The following SRBD1 variants were observed in gnomAD, a reference collection of about 807,000 sequenced individuals.
The protein encoded by SRBD1 is S1 RNA-binding domain-containing protein 1.
SRBD1 carries 88 observed loss-of-function variants against 115.3 expected under a neutral mutation model. That is an observed-to-expected ratio of 0.76 (90% CI 0.64 to 0.91). The LOEUF (loss-of-function observed/expected upper bound fraction) is 0.91, where lower values mean the gene tolerates loss of function less well. Ranked by LOEUF, SRBD1 falls within the 40% of genes least tolerant of loss-of-function variation. The pLI, the probability that SRBD1 is intolerant of heterozygous loss-of-function variation, is 0.00. For synonymous variants in SRBD1, 509 were observed against 407.7 expected (o/e 1.25, Z -2.99); for missense variants, 1,385 against 1,177.4 (o/e 1.18, Z -2.58).
rs188438040 is a variant in SRBD1 at position 45,528,653 on chromosome 2, C to G, written c.1874+18079G>C. On this transcript the variant is annotated intron_variant, in intron 14 of 20. Transcript: ENST00000263736. ...TGAAACTATGTAGACTTAGAACCCA[C>G]AAGATGCAAAAGATGAAGCTCCAGA... is the stretch of plus-strand genomic sequence containing the variant. 1.1e-3 allele frequency among the ~76,000 whole-genome samples: 165 copies of G among 151,760 alleles called. 2 individuals carry two copies. In the East Asian group the frequency reaches 0.017, roughly 16 times the overall value.
chr2:45,543,569 G>A (rs921950106), intron 14 of SRBD1, among the ~76,000 whole-genome samples: 1 of 152,166 alleles, frequency 6.6e-6, no homozygotes, highest in African/African-American at 2.4e-5. Flanking sequence ...GGCTGCCAGA[G>A]AAAGACTGGA....
At chr2:45,404,103 G>T (rs1216092423) in intron 19 of SRBD1, among the ~76,000 whole-genome samples, 13 of 152,250 alleles carry the variant, frequency 8.5e-5, no homozygotes, top group South Asian at 8.3e-4. Flanking sequence ...CATAAAGGTT[G>T]TTCAAGGAGA....
chr2:45,504,434 C>A (rs965628201), intron 14 of SRBD1, among the ~76,000 whole-genome samples: 1 of 151,948 alleles, frequency 6.6e-6, no homozygotes, highest in Non-Finnish European at 1.5e-5. Flanking sequence ...CCAAATTACA[C>A]CAAATTAGAC....
chr2:45,605,279 G>C, intron 2 of SRBD1, 83 bp downstream of exon 2: 1 of 1,354,250 alleles, frequency 7.4e-7, no homozygotes, highest in Admixed American at 2.1e-5. Context: ...CATCACTTAA[G>C]GAGTTAGAAA....
intron 14 of SRBD1, among the ~76,000 whole-genome samples, chr2:45,496,026 A>G (rs1670448331): frequency 6.6e-6 from 1 of 152,230 alleles, no homozygotes; most frequent in Non-Finnish European, 1.5e-5. Context: ...CTCATATAAT[A>G]CCAGATTATC....
intron 2 of SRBD1, among the ~76,000 whole-genome samples, chr2:45,604,714 G>A (rs555368583): frequency 5.3e-5 from 8 of 152,156 alleles, no homozygotes; most frequent in South Asian, 2.1e-4. Flanking sequence ...CACATCTTCC[G>A]CAATAACTTT....
chr2:45,539,577 G>A (rs193262071), intron 14 of SRBD1, among the ~76,000 whole-genome samples: 4 of 152,254 alleles, frequency 2.6e-5, no homozygotes, highest in East Asian at 1.9e-4. Context: ...CTGATGTAGC[G>A]GGGAACTACT....
At chr2:45,496,147 T>TC (rs1221436649) in intron 14 of SRBD1, among the ~76,000 whole-genome samples, 1 of 152,226 alleles carries the variant, frequency 6.6e-6, no homozygotes, top group Non-Finnish European at 1.5e-5. Context: ...TCATTTTGCA[T>TC]CATTTACTCT....
intron 16 of SRBD1, among the ~76,000 whole-genome samples, chr2:45,465,003 A>ACG (rs1402600741): frequency 4.3e-4 from 19 of 44,626 alleles, no homozygotes; most frequent in Admixed American, 4.0e-3. Context: ...GAGATTGTAC[A>ACG]CACACACACA....
At chr2:45,482,484 T>A (rs58025163) in intron 15 of SRBD1, among the ~76,000 whole-genome samples, 2,040 of 151,948 alleles carry the variant, frequency 0.013, 47 homozygotes, top group African/African-American at 0.047. Context: ...GAGATGCTGG[T>A]GAAAGGGTAC....
At chr2:45,521,721 C>G (rs1467766239) in intron 14 of SRBD1, among the ~76,000 whole-genome samples, 1 of 152,132 alleles carries the variant, frequency 6.6e-6, no homozygotes, top group Non-Finnish European at 1.5e-5. Context: ...AATCCCAGCA[C>G]TTTAGGTGGC....
At chr2:45,561,006 C>T (rs1312772304) in intron 10 of SRBD1, among the ~76,000 whole-genome samples, 1 of 151,544 alleles carries the variant, frequency 6.6e-6, no homozygotes, top group Non-Finnish European at 1.5e-5. Flanking sequence ...ACACAGGAGA[C>T]TAAAGTGGGA....
chr2:45,561,567 T>G (rs895307983), intron 10 of SRBD1, among the ~76,000 whole-genome samples: 1 of 152,240 alleles, frequency 6.6e-6, no homozygotes, highest in African/African-American at 2.4e-5. Context: ...CAGAACTAGC[T>G]GGTGATGAAC....
chr2:45,465,315 CT>C (rs564494777), intron 16 of SRBD1, among the ~76,000 whole-genome samples: 1 of 152,028 alleles, frequency 6.6e-6, no homozygotes, highest in African/African-American at 2.4e-5. Context: ...TGCAACTATC[CT>C]TTTTTTCCTC....
chr2:45,557,648 C>G (rs1672524791), intron 10 of SRBD1, among the ~76,000 whole-genome samples: 1 of 152,164 alleles, frequency 6.6e-6, no homozygotes, highest in Non-Finnish European at 1.5e-5. Flanking sequence ...CTCCTTACAC[C>G]AAAACAATTC....
At chr2:45,464,791 C>T (rs1248170455) in intron 16 of SRBD1, among the ~76,000 whole-genome samples, 1 of 151,928 alleles carries the variant, frequency 6.6e-6, no homozygotes, top group Non-Finnish European at 1.5e-5. Flanking sequence ...TTTCAGGTAA[C>T]TGAAGTCTGA....
intron 16 of SRBD1, among the ~76,000 whole-genome samples, chr2:45,471,502 A>G (rs1488007119): frequency 1.3e-5 from 2 of 152,160 alleles, no homozygotes; most frequent in Non-Finnish European, 2.9e-5. Context: ...ATGAATCTTA[A>G]CAGCAGTTCT....
At chr2:45,489,128 A>G (rs17033728) in intron 14 of SRBD1, among the ~76,000 whole-genome samples, 7,318 of 152,210 alleles carry the variant, frequency 0.048, 548 homozygotes, top group African/African-American at 0.16. Context: ...CTTATGAAAA[A>G]TTTTTACATT....
At chr2:45,576,617 T>C (rs943104455) in intron 7 of SRBD1, among the ~76,000 whole-genome samples, 1 of 152,232 alleles carries the variant, frequency 6.6e-6, no homozygotes, top group Non-Finnish European at 1.5e-5. Flanking sequence ...ACTGTATATC[T>C]AATGGACTTA....
Sources: gnomAD v4.1 joint callset for allele counts (sites outside exome capture counted in the v4.1 genomes callset) on GRCh38, gnomAD v4.1.1 for gene constraint, MANE v1.5 for transcripts, NCBI Gene and HGNC (gene_info 2026-07-23, HGNC 2026-07-21) for gene names.